Variants in LMX1B observed in about 807,000 individuals in gnomAD.
The protein encoded by LMX1B is LIM homeobox transcription factor 1 beta.
LMX1B carries 12 observed loss-of-function variants against 51.4 expected under a neutral mutation model. The ratio of observed to expected loss-of-function variants is 0.23; its 90% CI spans 0.15 to 0.38. The LOEUF is 0.38. Among genes scored for constraint, LMX1B ranks in the 10% least tolerant of loss-of-function variants. The probability of loss-of-function intolerance (pLI) is 1.00; values close to 1 mark genes in which losing one functional copy is unlikely to be tolerated. For synonymous variants in LMX1B, 237 were observed against 235.4 expected (o/e 1.01, Z -0.06); for missense variants, 445 against 571.1 (o/e 0.78, Z 2.25).
At chr9:126,622,795 T>C (rs961219815) in intron 2 of LMX1B, among the ~76,000 whole-genome samples, 1 of 152,172 alleles carries the variant, frequency 6.6e-6, no homozygotes, top group Non-Finnish European at 1.5e-5. Flanking sequence ...GCACATTTTC[T>C]CAAAGGAAGA....
chr9:126,651,600 G>C (rs1258995736), intron 2 of LMX1B, among the ~76,000 whole-genome samples: 13 of 152,102 alleles, frequency 8.5e-5, no homozygotes, highest in African/African-American at 3.1e-4. Flanking sequence ...AGGGCCATGG[G>C]AACGCTGCCC....
In LMX1B at chr9:126,615,576, G is replaced by T. The variant is rs1336980; in HGVS notation, c.326+7G>T. ...GCAAACAAGACTACCAACAGTAAGC[G>T]CTTCTCGTCCTCCTTCCCCGCCACC... is the stretch of plus-strand genomic sequence containing the variant. On this transcript the variant is annotated splice_region_variant and intron_variant, in intron 2 of 7. Coordinates refer to ENST00000373474, the MANE Select transcript of LMX1B (RefSeq NM_001174147.2). This position sits in a 1 kb window ranked among gnomAD's most constrained non-coding sequence, Gnocchi z 6.0. 6.2e-7 allele frequency: 1 copy of T among 1,602,566 alleles called. No homozygotes were observed. The highest frequency in any genetic ancestry group is 8.5e-7 in the Non-Finnish European group (1 of 1,174,362).
chr9:126,642,733 T>C (rs1835831591), intron 2 of LMX1B, among the ~76,000 whole-genome samples: 1 of 152,264 alleles, frequency 6.6e-6, no homozygotes, highest in African/African-American at 2.4e-5. Flanking sequence ...AATGCTTCTG[T>C]TGATCATCTT....
chr9:126,671,396 T>C lies in LMX1B; in HGVS notation c.327-19440T>C, dbSNP rs1002558853. On this transcript the variant is annotated intron_variant, in intron 2 of 7. Transcript: ENST00000373474. The surrounding 1 kb of genome is among the most constrained non-coding windows in gnomAD (Gnocchi z 4.4). Reference sequence around the variant, plus strand: ...CCCCTCCCAGCAGCTGGGCCCGGGCTCAGCTGGGGCCCCTGGCCTGGCCAG... The same window carrying C: ...CCCCTCCCAGCAGCTGGGCCCGGGCCCAGCTGGGGCCCCTGGCCTGGCCAG... Among the ~76,000 whole-genome samples, 2 of 151,446 alleles carry C rather than the reference T, an allele frequency of 1.3e-5. No homozygotes were observed. Among genetic ancestry groups the C allele is most frequent in the African/African-American group, 4.9e-5 (2 of 41,194 alleles).
At chr9:126,651,645 C>T (rs1001180016) in intron 2 of LMX1B, among the ~76,000 whole-genome samples, 1 of 152,120 alleles carries the variant, frequency 6.6e-6, no homozygotes, top group Admixed American at 6.5e-5. Context: ...CCCCTGGGCC[C>T]CGCTCCTCTC....
chr9:126,620,204 C>T (rs1351119450), intron 2 of LMX1B, among the ~76,000 whole-genome samples: 1 of 152,086 alleles, frequency 6.6e-6, no homozygotes, highest in African/African-American at 2.4e-5. Flanking sequence ...TGAGGAGCAC[C>T]CTGGGGAAGC....
At position 126,690,923 on chromosome 9, in the gene LMX1B, G is replaced by A; in HGVS notation, c.414G>A (p.Leu138=). The A allele has an allele frequency of 6.2e-7, 1 of 1,614,118 alleles. No homozygotes were observed. Among genetic ancestry groups the A allele is most frequent in the Non-Finnish European group, 8.5e-7 (1 of 1,180,000 alleles). ...GGGCGCTGGAGTGCGTGTACCACCTGGGCTGCTTCTGCTGCTGCGTGTGTG... is the reference window on the plus strand; with the variant it reads ...GGGCGCTGGAGTGCGTGTACCACCTAGGCTGCTTCTGCTGCTGCGTGTGTG... The part of the protein sequence containing the change: ...VMRALECVYH[L]GCFCCCVCER... Residue 138 remains leucine, a synonymous_variant, in exon 3 of 8, where the codon CTG becomes CTA. Coordinates refer to ENST00000373474, the MANE Select transcript of LMX1B (RefSeq NM_001174147.2).
At chr9:126,693,862 GC>G (rs1307027471) in intron 6 of LMX1B, 50 bp downstream of exon 6, 1 of 899,260 alleles carries the variant, frequency 1.1e-6, no homozygotes, top group Non-Finnish European at 1.8e-6. Context: ...TGGGGCCGGG[GC>G]CAGGGGTGGG....
intron 2 of LMX1B, among the ~76,000 whole-genome samples, chr9:126,638,977 T>G (rs1835763363): frequency 7.1e-6 from 1 of 141,282 alleles, no homozygotes; most frequent in Non-Finnish European, 1.5e-5. Context: ...GGGCTCTAGG[T>G]GAGGAGGGAG....
chr9:126,684,267 G>GGACA (rs922772051), intron 2 of LMX1B, among the ~76,000 whole-genome samples: 2 of 152,130 alleles, frequency 1.3e-5, no homozygotes, highest in South Asian at 2.1e-4. Context: ...ACCTATAAAG[G>GGACA]GACAGACAGA....
At chr9:126,616,176 C>G (rs1052157276) in intron 2 of LMX1B, among the ~76,000 whole-genome samples, 1 of 152,174 alleles carries the variant, frequency 6.6e-6, no homozygotes, top group African/African-American at 2.4e-5. Flanking sequence ...GAGAAGCACT[C>G]TAGGAAGAGG....
At chr9:126,624,079 C>T (rs1835473210) in intron 2 of LMX1B, among the ~76,000 whole-genome samples, 1 of 152,260 alleles carries the variant, frequency 6.6e-6, no homozygotes. Flanking sequence ...AATACGCGCA[C>T]ACGGTCCTGC....
At chr9:126,651,206 C>T (rs1363968253) in intron 2 of LMX1B, among the ~76,000 whole-genome samples, 1 of 152,058 alleles carries the variant, frequency 6.6e-6, no homozygotes, top group Non-Finnish European at 1.5e-5. Context: ...GATCCTCCTC[C>T]ATCCCGGGCA....
intron 2 of LMX1B, among the ~76,000 whole-genome samples, chr9:126,627,065 C>G (rs1835547790): frequency 6.6e-6 from 1 of 152,178 alleles, no homozygotes; most frequent in South Asian, 2.1e-4. Flanking sequence ...AAGGAGGCCT[C>G]GGAGACTGGT....
chr9:126,683,559 C>A (rs956131450), intron 2 of LMX1B, among the ~76,000 whole-genome samples: 2 of 152,132 alleles, frequency 1.3e-5, no homozygotes, highest in Non-Finnish European at 2.9e-5. Context: ...CGCCTAGCTC[C>A]TGTGAACTGC....
At chr9:126,691,784 G>C (rs1395145978) in intron 3 of LMX1B, among the ~76,000 whole-genome samples, 1 of 152,172 alleles carries the variant, frequency 6.6e-6, no homozygotes, top group Non-Finnish European at 1.5e-5. Context: ...AAACAGCCTC[G>C]AGCCAGCCTC....
intron 2 of LMX1B, among the ~76,000 whole-genome samples, chr9:126,649,649 A>G (rs572368069): frequency 1.8e-3 from 270 of 152,288 alleles, no homozygotes; most frequent in African/African-American, 6.2e-3. Context: ...TTTTTGAGAC[A>G]GGGTCTTGCT....
chr9:126,624,672 T>C (rs1029158650), intron 2 of LMX1B, among the ~76,000 whole-genome samples: 1 of 151,422 alleles, frequency 6.6e-6, no homozygotes, highest in Non-Finnish European at 1.5e-5. Flanking sequence ...TCTTGTTTTT[T>C]TTTTTTTGGA....
chr9:126,683,526 C>T (rs1836716373), intron 2 of LMX1B, among the ~76,000 whole-genome samples: 1 of 152,150 alleles, frequency 6.6e-6, no homozygotes, highest in Non-Finnish European at 1.5e-5. Context: ...CAGCCGTGAC[C>T]CCCAGAGTGT....
Sources: allele counts gnomAD v4.1 joint callset (sites outside exome capture counted in the v4.1 genomes callset), GRCh38; gene constraint gnomAD v4.1.1; non-coding constraint Gnocchi (gnomAD v3.1); transcripts MANE v1.5; gene names NCBI Gene and HGNC (gene_info 2026-07-23, HGNC 2026-07-21).